Variants in SAMD5 observed in about 807,000 individuals in gnomAD.
SAMD5 encodes the protein sterile alpha motif domain-containing protein 5.
In SAMD5, 13 loss-of-function variants were observed where a neutral mutation model predicts 11.3. That is an observed-to-expected ratio of 1.15 (90% CI 0.75 to 1.83). SAMD5 has a LOEUF of 1.83. Among genes scored for constraint, SAMD5 ranks in the 40% most tolerant of loss-of-function variants. The probability of loss-of-function intolerance (pLI) is 0.00; values close to 1 mark genes in which losing one functional copy is unlikely to be tolerated. For missense variants in SAMD5, 255 were observed against 239.1 expected, an observed-to-expected ratio of 1.07 and a Z score of -0.44; for synonymous variants, 129 against 111.3, an observed-to-expected ratio of 1.16 and a Z score of -1.00.
At chr6:147,734,052 A>G (rs1791757101) in intron 1 of SAMD5, among the ~76,000 whole-genome samples, 1 of 147,710 alleles carries the variant, frequency 6.8e-6, no homozygotes. Context: ...ATTTTTCCCT[A>G]TAAGATAAGT....
the SAMD5 span, among the ~76,000 whole-genome samples, chr6:147,767,469 G>A: frequency 6.0e-5 from 9 of 149,926 alleles, 1 homozygote; most frequent in African/African-American, 2.0e-4. Context: ...GTGTCTCCCC[G>A]AAACTCTTAT....
At chr6:147,851,873 T>A in the SAMD5 span, among the ~76,000 whole-genome samples, 10 of 152,170 alleles carry the variant, frequency 6.6e-5, no homozygotes, top group Non-Finnish European at 1.2e-4. Flanking sequence ...ATATCCAGAT[T>A]TTTTTATCCC....
chr6:147,582,844 G>T (rs1222757136), intron 1 of SAMD5, among the ~76,000 whole-genome samples: 1 of 152,174 alleles, frequency 6.6e-6, no homozygotes, highest in Non-Finnish European at 1.5e-5. Flanking sequence ...GTGTTCATTG[G>T]CCCAGTGTTC....
At chr6:147,580,795 C>A (rs1407926835) in intron 1 of SAMD5, among the ~76,000 whole-genome samples, 1 of 149,082 alleles carries the variant, frequency 6.7e-6, no homozygotes. Context: ...ACATAAATTT[C>A]TTTTTTGCAG....
Position 147,566,411 on chromosome 6 carries a change from C to T in SAMD5, c.*1955C>T, listed in dbSNP as rs1217292466. ...TGATAACAAATGGCTTCCTGTTTGA[C>T]CTCATTTCCAGGTGTCGCATCCGTG... On this transcript the variant is annotated 3_prime_UTR_variant, in exon 2 of 2. Coordinates refer to ENST00000367474, the MANE Select transcript of SAMD5 (RefSeq NM_001030060.3). The T allele has an allele frequency of 3.0e-6, 3 of 984,900 alleles. No individual in the cohort carries two copies. In the African/African-American group the frequency reaches 5.2e-5, roughly 17 times the overall value. The allele number at this position is 984,900 out of a possible 1,614,324, so 61.0% of individuals were successfully genotyped here.
In SAMD5 at chr6:147,666,808, G is replaced by A. The variant is rs552382372; in HGVS notation, c.163-70509G>A. Among the ~76,000 whole-genome samples the A allele has an allele frequency of 2.0e-4, 31 of 152,196 alleles. No homozygotes were observed. The East Asian group carries it at 5.4e-3, about 27-fold the overall frequency. Reference sequence around the variant, plus strand: ...TCCATAGCATCCTCAAATAAGAGTGGGACATTTACTGGGATGCTGTTGATA... The same window carrying A: ...TCCATAGCATCCTCAAATAAGAGTGAGACATTTACTGGGATGCTGTTGATA... On this transcript the variant is annotated intron_variant, in intron 1 of 1. Transcript: ENST00000566741.
At chr6:147,864,445 C>T in the SAMD5 span, among the ~76,000 whole-genome samples, 4 of 152,312 alleles carry the variant, frequency 2.6e-5, no homozygotes, top group African/African-American at 7.2e-5. Flanking sequence ...TGCTACGTCT[C>T]TGAGCAGTGC....
chr6:147,744,944 C>T, the SAMD5 span, among the ~76,000 whole-genome samples: 1 of 94,278 alleles, frequency 1.1e-5, no homozygotes, highest in African/African-American at 5.1e-5. Context: ...AGAGACCCAG[C>T]AATCACCGGG....
chr6:147,838,865 C>T, the SAMD5 span, among the ~76,000 whole-genome samples: 1 of 152,162 alleles, frequency 6.6e-6, no homozygotes, highest in South Asian at 2.1e-4. Flanking sequence ...AAAGGTAAAG[C>T]ACAGGCCAAT....
At chr6:147,700,176 G>A (rs982737968) in intron 1 of SAMD5, among the ~76,000 whole-genome samples, 3 of 152,150 alleles carry the variant, frequency 2.0e-5, no homozygotes, top group East Asian at 3.9e-4. Context: ...TATTAAACTC[G>A]TAAGATTTTT....
At chr6:147,550,708 A>T (rs1367021318) in intron 1 of SAMD5, among the ~76,000 whole-genome samples, 1 of 62,668 alleles carries the variant, frequency 1.6e-5, no homozygotes, top group African/African-American at 9.1e-5. Context: ...AAGAATGTGT[A>T]CAATAGACCT....
intron 1 of SAMD5, among the ~76,000 whole-genome samples, chr6:147,513,478 G>A (rs946749700): frequency 4.6e-5 from 7 of 152,156 alleles, no homozygotes; most frequent in Admixed American, 2.6e-4. Flanking sequence ...GAGTTTGGGC[G>A]AGAAAGATAT....
the SAMD5 span, among the ~76,000 whole-genome samples, chr6:147,954,371 AT>A: frequency 6.6e-6 from 1 of 152,238 alleles, no homozygotes; most frequent in Non-Finnish European, 1.5e-5. Flanking sequence ...TGGACCACAT[AT>A]AGGATAGCGG....
At chr6:147,895,638 C>T in the SAMD5 span, among the ~76,000 whole-genome samples, 6 of 152,136 alleles carry the variant, frequency 3.9e-5, no homozygotes, top group Admixed American at 6.6e-5. Context: ...GGCTTGATTC[C>T]GTTACACTGC....
chr6:147,610,568 A>G (rs577547868), intron 1 of SAMD5, among the ~76,000 whole-genome samples: 2 of 152,222 alleles, frequency 1.3e-5, no homozygotes, highest in Non-Finnish European at 2.9e-5. Flanking sequence ...ACTTTTGGAC[A>G]TGACAAAGTA....
At chr6:147,514,857 T>C (rs570245037) in intron 1 of SAMD5, among the ~76,000 whole-genome samples, 1 of 152,224 alleles carries the variant, frequency 6.6e-6, no homozygotes, top group South Asian at 2.1e-4. Flanking sequence ...CTCATGCTAA[T>C]AAGGCTATTT....
intron 1 of SAMD5, among the ~76,000 whole-genome samples, chr6:147,732,673 G>T (rs1447047560): frequency 6.6e-6 from 1 of 152,118 alleles, no homozygotes; most frequent in Non-Finnish European, 1.5e-5. Context: ...GTTTTCCCTG[G>T]TGTAATACTA....
chr6:147,641,267 A>G (rs771692502), intron 1 of SAMD5, among the ~76,000 whole-genome samples: 5 of 152,174 alleles, frequency 3.3e-5, no homozygotes, highest in Non-Finnish European at 7.4e-5. Flanking sequence ...TTCTTTTCTC[A>G]CATTTCTTCA....
At chr6:147,612,861 C>T (rs1341713459) in intron 1 of SAMD5, among the ~76,000 whole-genome samples, 1 of 152,132 alleles carries the variant, frequency 6.6e-6, no homozygotes, top group Non-Finnish European at 1.5e-5. Flanking sequence ...TTCCCTCTAA[C>T]TCTGTTTTCT....
Sources: gnomAD v4.1 joint callset for allele counts (sites outside exome capture counted in the v4.1 genomes callset) on GRCh38, gnomAD v4.1.1 for gene constraint, MANE v1.5 for transcripts, NCBI Gene and HGNC (gene_info 2026-07-23, HGNC 2026-07-21) for gene names.